TRAPPC10: variants seen among roughly 807,000 people sequenced by gnomAD.
TRAPPC10 encodes the protein trafficking protein particle complex subunit 10, also known as TRAPP 130 kDa subunit.
A neutral mutation model predicts 125.5 loss-of-function variants in TRAPPC10; 23 were observed. The ratio of observed to expected loss-of-function variants is 0.18; its 90% CI spans 0.13 to 0.26. The LOEUF (loss-of-function observed/expected upper bound fraction) is 0.26, where lower values mean the gene tolerates loss of function less well. TRAPPC10 is among the 10% of genes least tolerant of loss of function. The probability of loss-of-function intolerance (pLI) is 1.00; values close to 1 mark genes in which losing one functional copy is unlikely to be tolerated. For missense variants in TRAPPC10, 1,123 were observed against 1,308.4 expected, an observed-to-expected ratio of 0.86 and a Z score of 2.19; for synonymous variants, 509 against 518.0, an observed-to-expected ratio of 0.98 and a Z score of 0.24.
chr21:44,055,577 C>CAA (rs548421815), intron 4 of TRAPPC10, 121 bp from the exon 5 acceptor site: 7,916 of 588,588 alleles, frequency 0.013, 6 homozygotes, highest in South Asian at 0.024. Flanking sequence ...AACTCTGTCT[C>CAA]AAAAAAAAAA....
intron 19 of TRAPPC10, among the ~76,000 whole-genome samples, chr21:44,092,296 C>T (rs2038639561): frequency 6.6e-6 from 1 of 152,206 alleles, no homozygotes. Flanking sequence ...CCACTCTATG[C>T]GTAGACGTGT....
chr21:44,073,830 A>G (rs537783988), intron 7 of TRAPPC10, among the ~76,000 whole-genome samples: 1 of 152,192 alleles, frequency 6.6e-6, no homozygotes, highest in African/African-American at 2.4e-5. Flanking sequence ...CTCGGTATTC[A>G]GTTTCTGCTG....
chr21:44,044,204 T>A (rs2034612410), intron 3 of TRAPPC10, among the ~76,000 whole-genome samples: 1 of 152,234 alleles, frequency 6.6e-6, no homozygotes, highest in Admixed American at 6.5e-5. Flanking sequence ...CCATTCTTTA[T>A]GACTTTTTTC....
intron 1 of TRAPPC10, among the ~76,000 whole-genome samples, chr21:44,021,554 G>A (rs116688963): frequency 6.6e-6 from 1 of 152,124 alleles, no homozygotes; most frequent in Non-Finnish European, 1.5e-5. Flanking sequence ...GCCCAATCTT[G>A]CTTCTCTATA....
At chr21:44,038,786 A>G (rs1202189831) in intron 3 of TRAPPC10, among the ~76,000 whole-genome samples, 3 of 151,992 alleles carry the variant, frequency 2.0e-5, no homozygotes, top group Non-Finnish European at 2.9e-5. Flanking sequence ...ATGAGACAGG[A>G]ACTGTAAGTC....
intron 1 of TRAPPC10, among the ~76,000 whole-genome samples, chr21:44,025,840 GTGTGTGTGTGTGTGTGTGT>G (rs2147209599): frequency 7.7e-6 from 1 of 129,456 alleles, no homozygotes; most frequent in African/African-American, 3.7e-5. Flanking sequence ...GTGTGTGTGT[GTGTGTGTGTGTGTGTGTGT>G]GTGTGTGTGT....
Position 44,082,763 on chromosome 21 carries a change from C to T in TRAPPC10, c.1724-25C>T, listed in dbSNP as rs1555958787. 6.2e-7 allele frequency: 1 copy of T among 1,609,570 alleles called. No individual in the cohort carries two copies. The highest frequency in any genetic ancestry group is 8.5e-7 in the Non-Finnish European group (1 of 1,176,820). On this transcript the variant is annotated intron_variant, in intron 13 of 22. Coordinates refer to ENST00000291574, the MANE Select transcript of TRAPPC10 (RefSeq NM_003274.5). This position sits in a 1 kb window ranked among gnomAD's most constrained non-coding sequence, Gnocchi z 4.4. ...TGTCAGGAAGTGTGACTTGGGGAGT[C>T]ACTTACGATAATGTCTATTTACAGG...
chr21:44,013,499 C>T (rs2031424169), intron 1 of TRAPPC10, among the ~76,000 whole-genome samples: 1 of 152,200 alleles, frequency 6.6e-6, no homozygotes, highest in Non-Finnish European at 1.5e-5. Context: ...GGAAAGGAAG[C>T]ACTCTCTGTT....
chr21:44,063,018 T>C lies in TRAPPC10; in HGVS notation c.791-520T>C, dbSNP rs1168170502. 1 of 1,304,154 alleles carries C rather than the reference T, an allele frequency of 7.7e-7. No individual in the cohort carries two copies. The highest frequency in any genetic ancestry group is 1.2e-5 in the South Asian group (1 of 81,024). The allele number at this position is 1,304,154 out of a possible 1,614,324, so 80.8% of individuals were successfully genotyped here. A position where few individuals can be genotyped will look rare whatever the true frequency, so the allele number is the denominator to read the frequency against. ...AGCAGTAATTCTTTTTCCTTCTATG[T>C]GCTGCTACCAAGTCCTCCCTGTCCC... On this transcript the variant is annotated intron_variant, in intron 6 of 22. Coordinates refer to ENST00000291574, the MANE Select transcript of TRAPPC10 (RefSeq NM_003274.5). The surrounding 1 kb of genome is among the most constrained non-coding windows in gnomAD (Gnocchi z 4.4).
rs143514819 is a variant in TRAPPC10, at chr21:44,074,722, C to T, written c.1185+252C>T. On this transcript the variant is annotated intron_variant, in intron 8 of 22. Transcript: ENST00000291574. ...ACTCTGTACCCTGAGTCGGGGGACA[C>T]GAGGGTGGTGCTGAAATGTCAGCTC... 3.0e-3 allele frequency among the ~76,000 whole-genome samples: 460 copies of T among 152,296 alleles called. 5 individuals are homozygous for T. Among genetic ancestry groups the T allele is most frequent in the African/African-American group, 0.01 (424 of 41,558 alleles).
chr21:44,060,398 C>T (rs2035947149), intron 6 of TRAPPC10: 1 of 151,404 alleles, frequency 6.6e-6, no homozygotes, highest in African/African-American at 2.4e-5. Flanking sequence ...CATTCTCCTG[C>T]CTCAGCAGTG....
Position 44,043,403 on chromosome 21 carries a change from G to A in TRAPPC10, c.285+5476G>A, listed in dbSNP as rs537746308. The stretch of plus-strand genomic sequence containing the variant: ...TAATTTTTGTATTATTAGTGGAGAC[G>A]GGGTTTCACCATATTGGCCAGGCTG... On this transcript the variant is annotated intron_variant, in intron 3 of 22. Coordinates refer to ENST00000291574, the MANE Select transcript of TRAPPC10 (RefSeq NM_003274.5). Among the ~76,000 whole-genome samples, 10 of 151,790 alleles carry A rather than the reference G, an allele frequency of 6.6e-5. No homozygotes were observed. In the South Asian group the frequency reaches 8.4e-4, roughly 13 times the overall value.
chr21:44,081,529 G>A (rs959517167), intron 13 of TRAPPC10, among the ~76,000 whole-genome samples: 2 of 152,094 alleles, frequency 1.3e-5, no homozygotes, highest in African/African-American at 2.4e-5. Flanking sequence ...CAAAGTGCTG[G>A]GATTACAGGC....
chr21:44,069,677 C>T (rs1375400972), intron 7 of TRAPPC10, among the ~76,000 whole-genome samples: 1 of 152,150 alleles, frequency 6.6e-6, no homozygotes, highest in Non-Finnish European at 1.5e-5. Flanking sequence ...CACACACATG[C>T]ATCAGAAGGC....
At chr21:44,049,753 C>T (rs1333286409) in intron 3 of TRAPPC10, among the ~76,000 whole-genome samples, 1 of 152,216 alleles carries the variant, frequency 6.6e-6, no homozygotes, top group Non-Finnish European at 1.5e-5. Flanking sequence ...TGATGCCCTG[C>T]CCCTGGCTGC....
chr21:44,029,430 C>T (rs186006831), intron 1 of TRAPPC10, among the ~76,000 whole-genome samples: 2 of 152,150 alleles, frequency 1.3e-5, no homozygotes, highest in Admixed American at 1.3e-4. Context: ...TTCTCCATAC[C>T]CCATTTTCAA....
intron 19 of TRAPPC10, among the ~76,000 whole-genome samples, chr21:44,093,757 C>T (rs1346292079): frequency 6.6e-6 from 1 of 151,362 alleles, no homozygotes; most frequent in Non-Finnish European, 1.5e-5. Context: ...GACTCCATTT[C>T]AAAAAGAAAA....
intron 9 of TRAPPC10, among the ~76,000 whole-genome samples, chr21:44,075,936 C>T (rs1284357278): frequency 6.6e-6 from 1 of 152,062 alleles, no homozygotes; most frequent in African/African-American, 2.4e-5. Context: ...GTAATCCCAG[C>T]TATTCGGGAG....
At chr21:44,060,395 C>T (rs941770146) in intron 6 of TRAPPC10, 5 of 151,496 alleles carry the variant, frequency 3.3e-5, no homozygotes, top group Non-Finnish European at 7.3e-5. Flanking sequence ...TGCCATTCTC[C>T]TGCCTCAGCA....
Sources: gnomAD v4.1 joint callset for allele counts (sites outside exome capture counted in the v4.1 genomes callset) on GRCh38, gnomAD v4.1.1 for gene constraint, Gnocchi (gnomAD v3.1) non-coding constraint, MANE v1.5 for transcripts, NCBI Gene and HGNC (gene_info 2026-07-23, HGNC 2026-07-21) for gene names.